The following USP25 variants were observed in gnomAD, a reference collection of about 807,000 sequenced individuals.
The protein encoded by USP25 is ubiquitin specific peptidase 25, also known as ubiquitin carboxyl-terminal hydrolase 25.
In USP25, 85 loss-of-function variants were observed where a neutral mutation model predicts 158.5. The observed-to-expected ratio is 0.54, with a 90% CI of 0.45 to 0.64. USP25 has a LOEUF of 0.64. Among genes scored for constraint, USP25 ranks in the 30% least tolerant of loss-of-function variants. The pLI is 0.00. For missense variants in USP25, 1,242 were observed against 1,327.3 expected, an observed-to-expected ratio of 0.94 and a Z score of 1.00; for synonymous variants, 464 against 460.4, an observed-to-expected ratio of 1.01 and a Z score of -0.10.
At chr21:15,762,864 A>G (rs374907348) in intron 1 of USP25, 27 bp from the exon 2 acceptor site, 1 of 1,594,716 alleles carries the variant, frequency 6.3e-7, no homozygotes. Context: ...TGAGAATATA[A>G]TGATTTTGGG....
At chr21:15,734,106 A>G (rs987924312) in intron 1 of USP25, among the ~76,000 whole-genome samples, 8 of 152,192 alleles carry the variant, frequency 5.3e-5, no homozygotes, top group African/African-American at 1.4e-4. Flanking sequence ...TGTTCTGTAT[A>G]GGGAGAATAA....
intron 4 of USP25, among the ~76,000 whole-genome samples, chr21:15,785,522 G>A (rs1047132623): frequency 6.6e-6 from 1 of 152,124 alleles, no homozygotes; most frequent in East Asian, 1.9e-4. Context: ...CAAGAAAAAC[G>A]TTAGAAACCA....
At chr21:15,791,764 A>T in intron 5 of USP25, 100 bp downstream of exon 5, 1 of 1,286,056 alleles carries the variant, frequency 7.8e-7, no homozygotes, top group African/African-American at 1.5e-5. Flanking sequence ...ATAAGTACAG[A>T]TAAGTTTTTA....
intron 10 of USP25, among the ~76,000 whole-genome samples, chr21:15,821,068 G>T (rs973448194): frequency 1.3e-5 from 2 of 151,864 alleles, no homozygotes; most frequent in Non-Finnish European, 2.9e-5. Flanking sequence ...GATATTTTTT[G>T]ATTGTCTGTT....
chr21:15,873,783 G>A (rs2039990136), intron 23 of USP25, among the ~76,000 whole-genome samples: 3 of 152,078 alleles, frequency 2.0e-5, no homozygotes, highest in African/African-American at 4.8e-5. Context: ...GTGAGCCGCC[G>A]CACCCGGCCT....
intron 9 of USP25, among the ~76,000 whole-genome samples, chr21:15,817,785 C>T (rs1159253488): frequency 1.3e-5 from 2 of 152,088 alleles, no homozygotes; most frequent in Admixed American, 6.6e-5. Context: ...GGAAACCGCC[C>T]CCATGATTGA....
chr21:15,799,668 G>A, intron 5 of USP25, 89 bp from the exon 6 acceptor site: 1 of 821,990 alleles, frequency 1.2e-6, no homozygotes. Flanking sequence ...GTACACAGTT[G>A]TAAAAAATAA....
At chr21:15,773,702 A>G (rs2034484769) in intron 3 of USP25, among the ~76,000 whole-genome samples, 1 of 152,186 alleles carries the variant, frequency 6.6e-6, no homozygotes, top group East Asian at 1.9e-4. Flanking sequence ...TACACTCATA[A>G]AAATTATTGA....
intron 6 of USP25, 25 bp downstream of exon 6, chr21:15,799,868 G>A: frequency 6.4e-7 from 1 of 1,554,604 alleles, no homozygotes. Context: ...ATTTTTTTAA[G>A]CAGTATATAT....
intron 4 of USP25, among the ~76,000 whole-genome samples, chr21:15,788,056 C>T (rs2035392037): frequency 6.6e-6 from 1 of 151,946 alleles, no homozygotes; most frequent in African/African-American, 2.4e-5. Context: ...CTACCAAGGT[C>T]ATGACCAATT....
In USP25 at chr21:15,878,374, C is replaced by T. The variant is rs139658228; in HGVS notation, c.3277C>T (p.His1093Tyr). 2 of 1,613,892 alleles carry T rather than the reference C, an allele frequency of 1.2e-6. No individual in the cohort carries two copies. The highest frequency in any genetic ancestry group is 1.7e-5 in the Admixed American group (1 of 59,976). The stretch of plus-strand genomic sequence containing the variant: ...TTGTTCTATGGAGATTAAAAGTTTC[C>T]ATGAGCCACCGAAGTTACCTTCATA... ...LDCSMEIKSF[H>Y]EPPKLPSYST... Residue 1093 changes from histidine to tyrosine, a missense_variant, in exon 26 of 26, where the codon CAT becomes TAT. Physicochemically the swap from His to Tyr is moderately conservative, Grantham distance 83. This residue lies in a region of USP25 where 608 missense variants were observed against 605.2 expected (regional missense o/e 1.00). Coordinates refer to ENST00000400183, the MANE Select transcript of USP25 (RefSeq NM_001283041.3).
chr21:15,761,743 C>A (rs1157669527), intron 1 of USP25, among the ~76,000 whole-genome samples: 3 of 152,134 alleles, frequency 2.0e-5, no homozygotes, highest in Non-Finnish European at 4.4e-5. Flanking sequence ...GTATAAAACC[C>A]CAAGTCAAAG....
chr21:15,761,805 G>A (rs1451987661), intron 1 of USP25, among the ~76,000 whole-genome samples: 1 of 152,114 alleles, frequency 6.6e-6, no homozygotes, highest in Non-Finnish European at 1.5e-5. Flanking sequence ...CCTTCCAAGT[G>A]TACTTTACTT....
Position 15,826,169 on chromosome 21 carries a change from G to A in USP25, c.1305-35G>A, listed in dbSNP as rs1488361319. ...TAAAGGCCCAAATATGCTGTATATA[G>A]AAATAAAAGCATTTGTACATTTTAT... On this transcript the variant is annotated intron_variant, in intron 12 of 25. Coordinates refer to ENST00000400183, the MANE Select transcript of USP25 (RefSeq NM_001283041.3). The surrounding 1 kb of genome is among the most constrained non-coding windows in gnomAD (Gnocchi z 4.8). 1 of 1,604,672 alleles carries A rather than the reference G, an allele frequency of 6.2e-7. No individual in the cohort carries two copies. The highest frequency in any genetic ancestry group is 2.2e-5 in the East Asian group (1 of 44,652).
intron 6 of USP25, 144 bp from the exon 7 acceptor site, chr21:15,804,977 T>A: frequency 2.6e-5 from 22 of 835,566 alleles, no homozygotes; most frequent in Non-Finnish European, 3.5e-5. Context: ...CTCTACTTTC[T>A]TCAATTATGA....
chr21:15,856,445 A>G (rs2039141190), intron 20 of USP25, among the ~76,000 whole-genome samples: 1 of 152,036 alleles, frequency 6.6e-6, no homozygotes, highest in Non-Finnish European at 1.5e-5. Context: ...TATAATTTAA[A>G]TAAAAGTAGG....
At chr21:15,866,704 A>C (rs2039673624) in intron 22 of USP25, among the ~76,000 whole-genome samples, 1 of 152,136 alleles carries the variant, frequency 6.6e-6, no homozygotes. Context: ...CCAACAAGTA[A>C]TATTTATCAA....
At position 15,778,005 on chromosome 21, in the gene USP25, G is replaced by A. The variant is rs763515251; in HGVS notation, c.370G>A (p.Asp124Asn). The change falls in exon 4 of 26, where the codon GAT becomes AAT. Residue 124 changes from aspartate to asparagine, a missense_variant. By Grantham distance (23) the Asp-to-Asn change is conservative. Coordinates refer to ENST00000400183, the MANE Select transcript of USP25 (RefSeq NM_001283041.3). The part of the protein sequence containing the change: ...NRAFRETGIT[D>N]EEQAISRVLE... ...GGCATTCAGGGAGACTGGAATAACTGATGAGGAACAAGCCATTAGCAGGTA... is the reference window on the plus strand; with the variant it reads ...GGCATTCAGGGAGACTGGAATAACTAATGAGGAACAAGCCATTAGCAGGTA... 6.2e-7 allele frequency: 1 copy of A among 1,609,082 alleles called. No homozygotes were observed. Among genetic ancestry groups the A allele is most frequent in the Admixed American group, 1.7e-5 (1 of 58,706 alleles).
Position 15,826,971 on chromosome 21 carries a change from A to G in USP25, c.1467-6A>G. ...TTAATAAGAAATACTCTATGCTTTG[A>G]TACAGCACAACAGAACAACAGGGAG... On this transcript the variant is annotated splice_polypyrimidine_tract_variant and splice_region_variant and intron_variant, in intron 13 of 25. Transcript: ENST00000400183. The surrounding 1 kb of genome is among the most constrained non-coding windows in gnomAD (Gnocchi z 4.8). 1 of 1,612,804 alleles carries G rather than the reference A, an allele frequency of 6.2e-7. No individual in the cohort carries two copies. The highest frequency in any genetic ancestry group is 8.5e-7 in the Non-Finnish European group (1 of 1,179,906).
Sources: allele counts gnomAD v4.1 joint callset (sites outside exome capture counted in the v4.1 genomes callset), GRCh38; gene constraint gnomAD v4.1.1; regional missense constraint gnomAD v4.1.1; non-coding constraint Gnocchi (gnomAD v3.1); transcripts MANE v1.5; gene names NCBI Gene and HGNC (gene_info 2026-07-23, HGNC 2026-07-21).